The following DLGAP2 variants were observed in gnomAD, a reference collection of about 807,000 sequenced individuals.
DLGAP2 encodes disks large-associated protein 2.
Under a neutral mutation model 100.3 loss-of-function variants are expected in DLGAP2, and 26 were observed. The observed-to-expected ratio is 0.26, with a 90% CI of 0.19 to 0.36. The LOEUF (loss-of-function observed/expected upper bound fraction) is 0.36. Among genes scored for constraint, DLGAP2 ranks in the 10% least tolerant of loss-of-function variants. The probability of loss-of-function intolerance (pLI) is 1.00; values close to 1 mark genes in which losing one functional copy is unlikely to be tolerated. For synonymous variants in DLGAP2, 886 were observed against 630.1 expected, an observed-to-expected ratio of 1.41 and a Z score of -6.08; for missense variants, 1,858 against 1,453.2, an observed-to-expected ratio of 1.28 and a Z score of -4.53.
chr8:931,773 G>T (rs528108749), intron 2 of DLGAP2, among the ~76,000 whole-genome samples: 22 of 152,248 alleles, frequency 1.4e-4, no homozygotes, highest in African/African-American at 5.1e-4. Flanking sequence ...GCCCCACTTG[G>T]TTTTTCTTTA....
chr8:1,263,291 T>A (rs1428852213), intron 3 of DLGAP2, among the ~76,000 whole-genome samples: 2 of 152,214 alleles, frequency 1.3e-5, no homozygotes, highest in Non-Finnish European at 2.9e-5. Context: ...TTAAAAAAAC[T>A]AAGTAGTTTA....
intron 3 of DLGAP2, among the ~76,000 whole-genome samples, chr8:1,338,928 A>G (rs1801353757): frequency 6.8e-6 from 1 of 147,934 alleles, no homozygotes; most frequent in Non-Finnish European, 1.5e-5. Flanking sequence ...CTGGCAGGGA[A>G]TGCAATGACC....
At chr8:1,534,568 C>T (rs4875872) in intron 4 of DLGAP2, among the ~76,000 whole-genome samples, 35,923 of 152,140 alleles carry the variant, frequency 0.24, 4,510 homozygotes, top group Middle Eastern at 0.34. Flanking sequence ...TTATGTTCAC[C>T]TTGTACCAAT....
intron 2 of DLGAP2, among the ~76,000 whole-genome samples, chr8:1,055,603 C>A (rs545797548): frequency 9.9e-5 from 15 of 152,218 alleles, no homozygotes; most frequent in Non-Finnish European, 2.2e-4. Flanking sequence ...GGACGCTCGT[C>A]TTCTCACTGT....
chr8:768,054 G>A (rs1240767275), intron 1 of DLGAP2, among the ~76,000 whole-genome samples: 6 of 152,182 alleles, frequency 3.9e-5, no homozygotes, highest in Non-Finnish European at 2.9e-5. Context: ...TTCTCTTTCA[G>A]CTCTCTAGTG....
At position 982,250 on chromosome 8, in the gene DLGAP2, C is replaced by T. The variant is rs374445507; in HGVS notation, c.73+74284C>T. ...TAACCCACGGGTGACCGTGCAAGAC[C>T]CGTTAATGGATGAATGCACATGAAC... On this transcript the variant is annotated intron_variant, in intron 2 of 14. Transcript: ENST00000637795. Among the ~76,000 whole-genome samples, 3 of 152,310 alleles carry T rather than the reference C, an allele frequency of 2.0e-5. No homozygotes were observed. In the East Asian group the frequency reaches 5.8e-4, roughly 29 times the overall value.
chr8:1,239,869 G>A (rs1798745384), intron 2 of DLGAP2, among the ~76,000 whole-genome samples: 1 of 80,892 alleles, frequency 1.2e-5, no homozygotes, highest in Non-Finnish European at 2.4e-5. Context: ...TCTCTCACAT[G>A]GCACCGTGTC....
At chr8:1,330,429 GA>G (rs1296262016) in intron 3 of DLGAP2, among the ~76,000 whole-genome samples, 1 of 149,056 alleles carries the variant, frequency 6.7e-6, no homozygotes, top group Admixed American at 6.7e-5. Context: ...GCTTCGCGGG[GA>G]CTGAGTTCTG....
chr8:1,083,322 G>T (rs997815538), intron 2 of DLGAP2, among the ~76,000 whole-genome samples: 12 of 152,284 alleles, frequency 7.9e-5, no homozygotes, highest in African/African-American at 2.9e-4. Context: ...AATTCTTCAC[G>T]GGCTGAAGGC....
At chr8:1,473,398 T>C (rs1488459660) in intron 3 of DLGAP2, among the ~76,000 whole-genome samples, 1 of 152,170 alleles carries the variant, frequency 6.6e-6, no homozygotes, top group African/African-American at 2.4e-5. Flanking sequence ...GAATCTCAGA[T>C]CCACTGCGGG....
intron 1 of DLGAP2, among the ~76,000 whole-genome samples, chr8:777,490 A>G (rs1345712873): frequency 7.3e-5 from 11 of 151,452 alleles, no homozygotes; most frequent in South Asian, 2.1e-4. Context: ...GGCTGGTACC[A>G]GTTGTTCCTT....
At chr8:1,022,446 C>T (rs529645230) in intron 2 of DLGAP2, among the ~76,000 whole-genome samples, 3 of 148,184 alleles carry the variant, frequency 2.0e-5, no homozygotes, top group Non-Finnish European at 3.0e-5. Context: ...TGGACGGTCC[C>T]GTGCCAAGGT....
intron 4 of DLGAP2, among the ~76,000 whole-genome samples, chr8:1,528,512 T>C (rs1800871665): frequency 6.6e-6 from 1 of 152,200 alleles, no homozygotes. Context: ...AGCTAGGAAC[T>C]TGACAGAAAT....
chr8:1,565,980 A>G, intron 6 of DLGAP2, 86 bp downstream of exon 6: 1 of 1,158,304 alleles, frequency 8.6e-7, no homozygotes, highest in Non-Finnish European at 1.2e-6. Context: ...CCGTGAGCTG[A>G]GTGCCATCCA....
At chr8:1,532,900 C>T (rs773365411) in intron 4 of DLGAP2, among the ~76,000 whole-genome samples, 5 of 152,112 alleles carry the variant, frequency 3.3e-5, no homozygotes, top group East Asian at 1.9e-4. Flanking sequence ...TCCTCATGAG[C>T]GTGGCTGCCT....
chr8:1,614,532 G>A (rs1451750357), intron 6 of DLGAP2, among the ~76,000 whole-genome samples: 1 of 152,226 alleles, frequency 6.6e-6, no homozygotes, highest in African/African-American at 2.4e-5. Flanking sequence ...CAGGTGTGCA[G>A]AAAACATGAC....
At chr8:907,139 CT>C (rs1798397449) in intron 1 of DLGAP2, among the ~76,000 whole-genome samples, 1 of 152,164 alleles carries the variant, frequency 6.6e-6, no homozygotes. Flanking sequence ...GTAAATTGCC[CT>C]AGAACAGGTA....
At chr8:1,175,617 A>G (rs1166303758) in intron 2 of DLGAP2, among the ~76,000 whole-genome samples, 1 of 152,114 alleles carries the variant, frequency 6.6e-6, no homozygotes, top group Non-Finnish European at 1.5e-5. Flanking sequence ...TGTCTCTGAG[A>G]AATTTGGAGG....
At chr8:1,077,815 T>A (rs538877302) in intron 2 of DLGAP2, among the ~76,000 whole-genome samples, 1 of 152,296 alleles carries the variant, frequency 6.6e-6, no homozygotes, top group African/African-American at 2.4e-5. Context: ...GATGCTAGCT[T>A]CCTGTGTCCT....
Sources: allele counts gnomAD v4.1 joint callset (sites outside exome capture counted in the v4.1 genomes callset), GRCh38; gene constraint gnomAD v4.1.1; transcripts MANE v1.5; gene names NCBI Gene and HGNC (gene_info 2026-07-23, HGNC 2026-07-21).